The following PHGDH variants were observed in gnomAD, a reference collection of about 807,000 sequenced individuals.
The protein encoded by PHGDH is phosphoglycerate dehydrogenase.
A neutral mutation model predicts 52.6 loss-of-function variants in PHGDH; 50 were observed. That is an observed-to-expected ratio of 0.95 (90% CI 0.76 to 1.20). PHGDH has a LOEUF of 1.20. Among genes scored for constraint, PHGDH ranks in the 50% most tolerant of loss-of-function variants. PHGDH has a pLI of 0.00. For synonymous variants in PHGDH, 271 were observed against 280.5 expected (o/e 0.97, Z 0.34); for missense variants, 630 against 684.6 (o/e 0.92, Z 0.89).
Position 119,741,834 on chromosome 1 carries a change from T to C in PHGDH, c.1146T>C (p.Ala382=), listed in dbSNP as rs2101221161. ...TCATTGTCGGCCTCCTGAAAGAGGC[T>C]TCCAAGCAGGCGGATGTGAACTTGG... ...PAVIVGLLKE[A]SKQADVNLVN... Residue 382 remains alanine (A), a synonymous_variant, in exon 10 of 12, where the codon GCT becomes GCC. Coordinates refer to ENST00000641023, the MANE Select transcript of PHGDH (RefSeq NM_006623.4). The C allele has an allele frequency of 6.2e-7, 1 of 1,613,504 alleles. No homozygotes were observed. The highest frequency in any genetic ancestry group is 8.5e-7 in the Non-Finnish European group (1 of 1,179,452).
At chr1:119,724,722 A>C (rs1651327274) in intron 3 of PHGDH, 2 of 445,364 alleles carry the variant, frequency 4.5e-6, no homozygotes, top group African/African-American at 2.1e-5. Flanking sequence ...TAATTACCTC[A>C]CTTTTTTTCT....
At chr1:119,723,500 G>C (rs1427049413) in intron 3 of PHGDH, 59 bp downstream of exon 3, 1 of 1,340,502 alleles carries the variant, frequency 7.5e-7, no homozygotes, top group Non-Finnish European at 1.1e-6. Context: ...ATTACCACTT[G>C]CCAAGCAAAT....
rs754759219 is a variant in PHGDH at position 119,743,847 on chromosome 1, CT to C, written c.1448-38del. 3.8e-6 allele frequency: 6 copies of C among 1,568,162 alleles called. No individual in the cohort carries two copies. The African/African-American group carries it at 4.0e-5, about 11-fold the overall frequency. Reference sequence around the variant, plus strand: ...TCCCAATCCCTCGCTCCTTTTTCCCCTATCCCCTGTGCCAACCAGGAGTTTC... The same window carrying C: ...TCCCAATCCCTCGCTCCTTTTTCCCCATCCCCTGTGCCAACCAGGAGTTTC... On this transcript the variant is annotated intron_variant, in intron 11 of 11. Coordinates refer to ENST00000641023, the MANE Select transcript of PHGDH (RefSeq NM_006623.4).
At chr1:119,729,260 G>C (rs1270031020) in intron 5 of PHGDH, among the ~76,000 whole-genome samples, 1 of 152,184 alleles carries the variant, frequency 6.6e-6, no homozygotes, top group Non-Finnish European at 1.5e-5. Flanking sequence ...GATGCCATAA[G>C]CCACAAAGAG....
At chr1:119,726,325 C>T (rs758486830) in intron 3 of PHGDH, among the ~76,000 whole-genome samples, 35 of 151,838 alleles carry the variant, frequency 2.3e-4, no homozygotes, top group Non-Finnish European at 4.7e-4. Flanking sequence ...ATCCACCCAC[C>T]CACTCTAGGG....
chr1:119,727,295 T>C (rs1482127872), intron 5 of PHGDH, 193 bp downstream of exon 5: 17 of 620,958 alleles, frequency 2.7e-5, no homozygotes, highest in Non-Finnish European at 4.3e-5. Flanking sequence ...AAGCTGGAAA[T>C]ACTTGGTGGG....
At chr1:119,734,901 G>A (rs752651262) in intron 6 of PHGDH, 135 bp downstream of exon 6, 7 of 1,008,278 alleles carry the variant, frequency 6.9e-6, no homozygotes, top group South Asian at 1.3e-5. Context: ...GCAGAGGCTG[G>A]TGTTTTGTTA....
At chr1:119,739,560 T>C (rs980102642) in intron 8 of PHGDH, 6 of 152,252 alleles carry the variant, frequency 3.9e-5, no homozygotes, top group Non-Finnish European at 2.9e-5. Flanking sequence ...ATGATATCTT[T>C]ATGAAAACAG....
intron 1 of PHGDH, chr1:119,712,417 G>A (rs1650736802): frequency 2.2e-6 from 1 of 464,500 alleles, no homozygotes; most frequent in Non-Finnish European, 4.0e-6. Flanking sequence ...GCATTGCAAA[G>A]TGCGGGCTGC....
intron 5 of PHGDH, among the ~76,000 whole-genome samples, chr1:119,732,172 G>GC (rs1651722932): frequency 6.6e-6 from 1 of 152,168 alleles, no homozygotes; most frequent in Non-Finnish European, 1.5e-5. Flanking sequence ...TAACTGGGAG[G>GC]CCTCCTTGCT....
chr1:119,733,246 C>A (rs998748959), intron 5 of PHGDH, among the ~76,000 whole-genome samples: 2 of 152,148 alleles, frequency 1.3e-5, no homozygotes, highest in Non-Finnish European at 2.9e-5. Flanking sequence ...AAAAAGGGAT[C>A]CAGAGGCTTC....
In PHGDH at chr1:119,735,993, A is replaced by AGAGT. The variant is rs1009145930; in HGVS notation, c.792+552_792+555dup. 1.6e-4 allele frequency among the ~76,000 whole-genome samples: 24 copies of AGAGT among 152,332 alleles called. No individual in the cohort carries two copies. In the South Asian group the frequency reaches 3.3e-3, roughly 21 times the overall value. ...AGCCTCACACCAGATCCAGTAGGGA[A>AGAGT]GAGTGCATTTGCACTCGAATCCTTT... is the stretch of plus-strand genomic sequence containing the variant. On this transcript the variant is annotated intron_variant, in intron 7 of 11. Coordinates refer to ENST00000641023, the MANE Select transcript of PHGDH (RefSeq NM_006623.4).
chr1:119,738,665 C>T (rs1652051347), intron 8 of PHGDH, among the ~76,000 whole-genome samples: 1 of 152,240 alleles, frequency 6.6e-6, no homozygotes, highest in African/African-American at 2.4e-5. Flanking sequence ...AAGCAGCTGT[C>T]TGCCTTCCCC....
Position 119,732,177 on chromosome 1 carries a change from C to CT in PHGDH, c.511-2455dup, listed in dbSNP as rs200040835. Among the ~76,000 whole-genome samples, 894 of 152,304 alleles carry CT rather than the reference C, an allele frequency of 5.9e-3. 2 individuals carry two copies. The highest frequency in any genetic ancestry group is 8.7e-3 in the Admixed American group (133 of 15,302). On this transcript the variant is annotated intron_variant, in intron 5 of 11. Coordinates refer to ENST00000641023, the MANE Select transcript of PHGDH (RefSeq NM_006623.4). The stretch of plus-strand genomic sequence containing the variant: ...AGAGCCTCTTTAACTGGGAGGCCTC[C>CT]TTGCTCTCCTCTTTGCTCTGCTGAG...
rs1652150288 is a variant in PHGDH at position 119,740,515 on chromosome 1, C to T, written c.1075C>T (p.Gln359Ter). ...SPKGTIQVIT[Q>*]GTSLKNAGNC... ...CAAAGGGACCATCCAGGTGATAACA[C>T]AGGGTGAGCTGGGGACCTTGCAGAG... The change falls in exon 9 of 12, where the codon CAG becomes TAG. Residue 359 changes from glutamine (Q) to a stop codon, truncating the protein, a stop_gained. Transcript: ENST00000641023. LOFTEE classifies it high-confidence loss of function. 6.4e-7 allele frequency: 1 copy of T among 1,571,028 alleles called. No homozygotes were observed. Among genetic ancestry groups the T allele is most frequent in the South Asian group, 1.2e-5 (1 of 85,754 alleles).
intron 9 of PHGDH, 83 bp from the exon 10 acceptor site, chr1:119,741,684 A>C: frequency 9.4e-6 from 12 of 1,282,076 alleles, no homozygotes; most frequent in Non-Finnish European, 1.4e-5. Flanking sequence ...CCCATAGTCC[A>C]GAGCTAGGTG....
At chr1:119,722,573 G>A (rs1651217192) in intron 2 of PHGDH, among the ~76,000 whole-genome samples, 1 of 151,998 alleles carries the variant, frequency 6.6e-6, no homozygotes, top group South Asian at 2.1e-4. Context: ...TCAGACAGGT[G>A]GAGATTACTA....
At chr1:119,735,616 C>G (rs587736720) in intron 7 of PHGDH, among the ~76,000 whole-genome samples, 173 bp downstream of exon 7, 1 of 152,298 alleles carries the variant, frequency 6.6e-6, no homozygotes, top group South Asian at 2.1e-4. Context: ...TTTGAGGAGT[C>G]CTTGCGGAGC....
intron 1 of PHGDH, chr1:119,720,337 C>A (rs1651093157): frequency 6.6e-6 from 1 of 152,108 alleles, no homozygotes; most frequent in South Asian, 2.1e-4. Context: ...TCTCATTTTT[C>A]CCCTGCCCCT....
Sources: gnomAD v4.1 joint callset for allele counts (sites outside exome capture counted in the v4.1 genomes callset) on GRCh38, gnomAD v4.1.1 for gene constraint, MANE v1.5 for transcripts, NCBI Gene and HGNC (gene_info 2026-07-23, HGNC 2026-07-21) for gene names.